GABRB2: variants seen among roughly 807,000 people sequenced by gnomAD.
The protein encoded by GABRB2 is gamma-aminobutyric acid type A receptor subunit beta2, also known as gamma-aminobutyric acid receptor subunit beta-2.
In GABRB2, 16 loss-of-function variants were observed where a neutral mutation model predicts 54.7. That is an observed-to-expected ratio of 0.29 (90% CI 0.20 to 0.44). The LOEUF (loss-of-function observed/expected upper bound fraction) is 0.44, where lower values mean the gene tolerates loss of function less well. Among genes scored for constraint, GABRB2 ranks in the 20% least tolerant of loss-of-function variants. The pLI, the probability that GABRB2 is intolerant of heterozygous loss-of-function variation, is 1.00. For synonymous variants in GABRB2, 244 were observed against 233.8 expected (o/e 1.04, Z -0.40); for missense variants, 355 against 644.0 (o/e 0.55, Z 4.86).
At chr5:161,462,798 T>A (rs1429361685) in intron 3 of GABRB2, among the ~76,000 whole-genome samples, 3 of 152,156 alleles carry the variant, frequency 2.0e-5, no homozygotes, top group Admixed American at 1.3e-4. Flanking sequence ...ATCATGACAC[T>A]GTCAAGAAAG....
At chr5:161,306,791 T>C (rs1174709542) in intron 9 of GABRB2, among the ~76,000 whole-genome samples, 1 of 151,946 alleles carries the variant, frequency 6.6e-6, no homozygotes, top group Admixed American at 6.6e-5. Flanking sequence ...CTAGTAGCTG[T>C]GCTTAAAAAA....
chr5:161,388,790 A>G (rs576724210), intron 5 of GABRB2, among the ~76,000 whole-genome samples: 2 of 151,970 alleles, frequency 1.3e-5, no homozygotes, highest in African/African-American at 4.8e-5. Context: ...TCATATTCTA[A>G]TTTGTCTTCA....
At chr5:161,474,893 C>T (rs1758549232) in intron 3 of GABRB2, among the ~76,000 whole-genome samples, 1 of 151,872 alleles carries the variant, frequency 6.6e-6, no homozygotes. Context: ...TAGGCCAATA[C>T]TATAAAAGCA....
chr5:161,323,513 T>C (rs1451103652), intron 9 of GABRB2, among the ~76,000 whole-genome samples: 5 of 152,176 alleles, frequency 3.3e-5, no homozygotes, highest in African/African-American at 1.2e-4. Context: ...GTAGATTTCT[T>C]CTGATTCTGC....
intron 3 of GABRB2, among the ~76,000 whole-genome samples, chr5:161,470,313 G>A (rs1185068432): frequency 6.6e-6 from 1 of 151,840 alleles, no homozygotes; most frequent in Non-Finnish European, 1.5e-5. Flanking sequence ...TGAGGGACAC[G>A]TATCAAGACC....
intron 6 of GABRB2, among the ~76,000 whole-genome samples, chr5:161,336,296 T>C (rs1473621446): frequency 6.6e-6 from 1 of 152,130 alleles, no homozygotes; most frequent in African/African-American, 2.4e-5. Context: ...CAAGGGATTA[T>C]GGTCAATTCT....
At chr5:161,536,884 C>T (rs986696612) in intron 3 of GABRB2, among the ~76,000 whole-genome samples, 7 of 152,186 alleles carry the variant, frequency 4.6e-5, no homozygotes, top group Admixed American at 1.3e-4. Context: ...AGGCGTGAGC[C>T]ACCATGCCTG....
chr5:161,525,810 C>G (rs919401053), intron 3 of GABRB2, among the ~76,000 whole-genome samples: 4 of 151,028 alleles, frequency 2.6e-5, no homozygotes, highest in African/African-American at 9.7e-5. Flanking sequence ...TTAAGTTTCC[C>G]AGTATTAAAT....
chr5:161,457,053 T>C (rs1581001835), intron 4 of GABRB2, among the ~76,000 whole-genome samples: 1 of 152,344 alleles, frequency 6.6e-6, no homozygotes, highest in East Asian at 1.9e-4. Context: ...CATAAATTTC[T>C]CTCTAAGGAA....
chr5:161,290,494 T>C lies in GABRB2; in HGVS notation c.*3587A>G, dbSNP rs1757207085. ...GCTGATAGAGAAATGCTCAGTACCC[T>C]GTATTACTTATTTCAGTATGTTGAT... On this transcript the variant is annotated 3_prime_UTR_variant, in exon 10 of 10. Coordinates refer to ENST00000393959, the MANE Select transcript of GABRB2 (RefSeq NM_001371727.1). 1 of 152,586 alleles carries C rather than the reference T, an allele frequency of 6.6e-6. No homozygotes were observed. The highest frequency in any genetic ancestry group is 6.6e-5 in the Admixed American group (1 of 15,262). 9.5% of individuals were successfully genotyped at this position (152,586 alleles called of 1,614,324 possible). A position where few individuals can be genotyped will look rare whatever the true frequency, so the allele number is the denominator to read the frequency against.
At chr5:161,497,248 A>T (rs867986817) in intron 3 of GABRB2, among the ~76,000 whole-genome samples, 29 of 152,114 alleles carry the variant, frequency 1.9e-4, no homozygotes, top group Admixed American at 1.8e-3. Flanking sequence ...AGTGTCCCTT[A>T]GAAACAGTTC....
intron 3 of GABRB2, among the ~76,000 whole-genome samples, chr5:161,474,632 A>G (rs1031798415): frequency 1.3e-5 from 2 of 152,030 alleles, no homozygotes; most frequent in South Asian, 4.1e-4. Context: ...GTGTTCTGCT[A>G]TTCCCCTTTT....
chr5:161,350,395 C>G (rs1343550255), intron 5 of GABRB2, among the ~76,000 whole-genome samples: 1 of 151,954 alleles, frequency 6.6e-6, no homozygotes, highest in African/African-American at 2.4e-5. Context: ...TGTACACTAA[C>G]AACAAAGTAA....
At chr5:161,421,604 G>A (rs1756855730) in intron 4 of GABRB2, among the ~76,000 whole-genome samples, 1 of 152,170 alleles carries the variant, frequency 6.6e-6, no homozygotes, top group South Asian at 2.1e-4. Context: ...TGGAAAATAT[G>A]TGTGAGAGCT....
intron 3 of GABRB2, among the ~76,000 whole-genome samples, chr5:161,542,716 A>G (rs1233700784): frequency 6.6e-6 from 1 of 152,216 alleles, no homozygotes; most frequent in Non-Finnish European, 1.5e-5. Flanking sequence ...GAAAGTTACA[A>G]TTACCAGAGA....
intron 3 of GABRB2, among the ~76,000 whole-genome samples, chr5:161,491,245 A>G (rs922216386): frequency 6.6e-6 from 1 of 151,628 alleles, no homozygotes; most frequent in Non-Finnish European, 1.5e-5. Flanking sequence ...AATTGTTGCT[A>G]TATATATAAT....
chr5:161,389,034 C>G (rs1755734599), intron 5 of GABRB2, among the ~76,000 whole-genome samples: 1 of 151,970 alleles, frequency 6.6e-6, no homozygotes, highest in East Asian at 1.9e-4. Context: ...AGACTTATAA[C>G]CCATATGTTC....
chr5:161,386,419 G>C (rs1341855255), intron 5 of GABRB2, among the ~76,000 whole-genome samples: 4 of 152,116 alleles, frequency 2.6e-5, no homozygotes, highest in African/African-American at 9.7e-5. Flanking sequence ...GGAGCATACA[G>C]ACCTTATTCC....
chr5:161,460,718 T>C (rs1758099694), intron 3 of GABRB2, among the ~76,000 whole-genome samples: 1 of 152,010 alleles, frequency 6.6e-6, no homozygotes, highest in Non-Finnish European at 1.5e-5. Context: ...GGTGCTGAGA[T>C]GAAAGTGGTA....
Sources: gnomAD v4.1 joint callset for allele counts (sites outside exome capture counted in the v4.1 genomes callset) on GRCh38, gnomAD v4.1.1 for gene constraint, MANE v1.5 for transcripts, NCBI Gene and HGNC (gene_info 2026-07-23, HGNC 2026-07-21) for gene names.